ISL2: variants seen among roughly 807,000 people sequenced by gnomAD.
ISL2 encodes ISL LIM homeobox 2.
In ISL2, 17 loss-of-function variants were observed where a neutral mutation model predicts 34.6. That is an observed-to-expected ratio of 0.49 (90% confidence interval 0.34 to 0.74). ISL2 has a LOEUF of 0.74. Among genes scored for constraint, ISL2 ranks in the 30% least tolerant of loss-of-function variants. ISL2 has a pLI of 0.01. For missense variants in ISL2, 469 were observed against 515.2 expected, an observed-to-expected ratio of 0.91 and a Z score of 0.87; for synonymous variants, 232 against 225.5, an observed-to-expected ratio of 1.03 and a Z score of -0.26.
intron 4 of ISL2, 151 bp downstream of exon 4, chr15:76,340,710 C>T: frequency 1.4e-6 from 1 of 718,428 alleles, no homozygotes; most frequent in Admixed American, 3.0e-5. Flanking sequence ...AGCAAGGCTT[C>T]CCTTGGATTT....
chr15:76,336,791 A>G lies in ISL2; in HGVS notation c.-93A>G. ...AATCGCTCCTTCAACTCCGCGGGGC[A>G]GTAGGAGTTAGTTAGCAAAGAGCCG... is the stretch of plus-strand genomic sequence containing the variant. On this transcript the variant is annotated 5_prime_UTR_variant, in exon 1 of 6. Transcript: ENST00000290759. 3 of 1,074,166 alleles carry G rather than the reference A, an allele frequency of 2.8e-6. No individual in the cohort carries two copies. Among genetic ancestry groups the G allele is most frequent in the Admixed American group, 1.7e-5 (1 of 59,130 alleles). The allele number at this position is 1,074,166 out of a possible 1,614,324, so 66.5% of individuals were successfully genotyped here. A position where few individuals can be genotyped will look rare whatever the true frequency, so the allele number is the denominator to read the frequency against.
Position 76,337,823 on chromosome 15 carries a change from A to C in ISL2, c.104A>C (p.His35Pro). The change falls in exon 2 of 6, where the codon CAC (histidine) becomes CCC (proline). Residue 35 changes from histidine (H) to proline (P), a missense_variant. By Grantham distance (77) the His-to-Pro change is moderately conservative. Transcript: ENST00000290759. Reference sequence around the variant, plus strand: ...TGCGTGGGCTGCGGGAGTCAGATCCACGACCAGTTTATCCTGCGGGTGTCG... The same window carrying C: ...TGCGTGGGCTGCGGGAGTCAGATCCCCGACCAGTTTATCCTGCGGGTGTCG... ...AMCVGCGSQIHDQFILRVSPD... is the reference protein window; with the variant it reads ...AMCVGCGSQIPDQFILRVSPD... 6.2e-7 allele frequency: 1 copy of C among 1,611,260 alleles called. No individual in the cohort carries two copies. The highest frequency in any genetic ancestry group is 8.5e-7 in the Non-Finnish European group (1 of 1,178,838).
At chr15:76,338,144 C>A in intron 2 of ISL2, 108 bp from the exon 3 acceptor site, 1 of 1,429,624 alleles carries the variant, frequency 7.0e-7, no homozygotes, top group South Asian at 1.4e-5. Context: ...TCACCGCAGT[C>A]TCCTGGTGGC....
rs746975606 is a variant in ISL2, at chr15:76,341,845, C to T, written c.*10C>T. 1.9e-6 allele frequency: 3 copies of T among 1,588,614 alleles called. No homozygotes were observed. Among genetic ancestry groups the T allele is most frequent in the South Asian group, 2.2e-5 (2 of 90,558 alleles). The stretch of plus-strand genomic sequence containing the variant: ...TCCCGTGGAGACGTGAGGGGGACCC[C>T]TCCCTGCCAGCCCGCGGACCTCGCA... On this transcript the variant is annotated 3_prime_UTR_variant, in exon 6 of 6. Transcript: ENST00000290759.
chr15:76,340,691 T>C (rs900621060), intron 4 of ISL2, 132 bp downstream of exon 4: 10 of 762,898 alleles, frequency 1.3e-5, no homozygotes, highest in Admixed American at 8.6e-5. Context: ...TGTATGTCTG[T>C]ACCTTCACAG....
At chr15:76,339,478 T>A (rs981374997) in intron 3 of ISL2, 2 of 985,522 alleles carry the variant, frequency 2.0e-6, no homozygotes, top group African/African-American at 3.5e-5. Context: ...CACCCCCATC[T>A]GGGATCTCGG....
chr15:76,341,975 A>T lies in ISL2; in HGVS notation c.*140A>T. On this transcript the variant is annotated 3_prime_UTR_variant, in exon 6 of 6. Coordinates refer to ENST00000290759, the MANE Select transcript of ISL2 (RefSeq NM_145805.3). ...TATTTATGAGAGAGTACCGAGAGAC[A>T]CGGTCTGGACAGCCCAAGGCGCCAG... is the stretch of plus-strand genomic sequence containing the variant. 1.5e-6 allele frequency: 1 copy of T among 654,048 alleles called. No individual in the cohort carries two copies. The highest frequency in any genetic ancestry group is 1.8e-5 in the South Asian group (1 of 55,624). 40.5% of individuals were successfully genotyped at this position (654,048 alleles called of 1,614,324 possible).
Position 76,341,178 on chromosome 15 carries a change from C to T in ISL2, c.840C>T (p.Pro280=), listed in dbSNP as rs1221436033. 2 of 1,612,502 alleles carry T rather than the reference C, an allele frequency of 1.2e-6. No homozygotes were observed. Among genetic ancestry groups the T allele is most frequent in the East Asian group, 2.2e-5 (1 of 44,878 alleles). ...GGACGCCCCTGGTGGCGGGCAGTCC[C>T]ATCCGCCATGAGAACGCCGTGCAGG... The part of the protein sequence containing the change: ...LTGTPLVAGS[P]IRHENAVQGS... The change falls in exon 5 of 6, where the codon CCC becomes CCT. Residue 280 remains proline (P), a synonymous_variant. Transcript: ENST00000290759.
chr15:76,338,594 C>T, intron 3 of ISL2, 80 bp downstream of exon 3: 2 of 1,257,852 alleles, frequency 1.6e-6, no homozygotes, highest in Non-Finnish European at 2.0e-6. Context: ...GTGTCCCTAA[C>T]GAGAAGTTGT....
chr15:76,341,818 A>C lies in ISL2; in HGVS notation c.1063A>C (p.Ser355Arg), dbSNP rs754717167. The change falls in exon 6 of 6, where the codon AGT (serine) becomes CGT (arginine). Residue 355 changes from serine to arginine, a missense_variant. This residue lies in a region of ISL2 where 169 missense variants were observed against 154.2 expected (regional missense o/e 1.10). Transcript: ENST00000290759. The stretch of plus-strand genomic sequence containing the variant: ...GGACACCCCCAACAGTATGGTGCCG[A>C]GTCCCGTGGAGACGTGAGGGGGACC... ...LPDTPNSMVPSPVET is the reference protein window; with the variant it reads ...LPDTPNSMVPRPVET The C allele has an allele frequency of 6.2e-7, 1 of 1,613,078 alleles. No individual in the cohort carries two copies. The highest frequency in any genetic ancestry group is 1.1e-5 in the South Asian group (1 of 91,070).
At position 76,339,738 on chromosome 15, in the gene ISL2, C is replaced by T. The variant is rs1596240341; in HGVS notation, c.512-538C>T. ...GGCCCGTCCATAACCGTGGATGAGT[C>T]TTCTACACATGTGGCCTGGCCCTGT... On this transcript the variant is annotated intron_variant, in intron 3 of 5. Coordinates refer to ENST00000290759, the MANE Select transcript of ISL2 (RefSeq NM_145805.3). 4 of 988,508 alleles carry T rather than the reference C, an allele frequency of 4.0e-6. No homozygotes were observed. In the East Asian group the frequency reaches 4.5e-4, roughly 112 times the overall value. The allele number at this position is 988,508 out of a possible 1,614,324, so 61.2% of individuals were successfully genotyped here. A position where few individuals can be genotyped will look rare whatever the true frequency, so the allele number is the denominator to read the frequency against.
intron 3 of ISL2, 24 bp downstream of exon 3, chr15:76,338,538 G>A: frequency 7.7e-7 from 1 of 1,294,458 alleles, no homozygotes; most frequent in Non-Finnish European, 9.8e-7. Flanking sequence ...GGCCTGTGCC[G>A]GGGTGAGCGG....
rs1396237725 is a variant in ISL2 at position 76,341,878 on chromosome 15, T to G, written c.*43T>G. The G allele has an allele frequency of 3.3e-6, 4 of 1,224,072 alleles. No individual in the cohort carries two copies. Among genetic ancestry groups the G allele is most frequent in the Non-Finnish European group, 4.8e-6 (4 of 826,848 alleles). 75.8% of individuals were successfully genotyped at this position (1,224,072 alleles called of 1,614,324 possible). The stretch of plus-strand genomic sequence containing the variant: ...CAGCCCGCGGACCTCGCATGCTCCC[T>G]GCATGAGACTCACCCATGCTCAGGC... On this transcript the variant is annotated 3_prime_UTR_variant, in exon 6 of 6. Transcript: ENST00000290759.
In ISL2 at chr15:76,338,376, C is replaced by A; in HGVS notation, c.373C>A (p.Leu125Met). The A allele has an allele frequency of 1.3e-6, 2 of 1,550,130 alleles. No homozygotes were observed. Among genetic ancestry groups the A allele is most frequent in the Non-Finnish European group, 1.7e-6 (2 of 1,156,662 alleles). Reference sequence around the variant, plus strand: ...CTGCTCCGTGTGCAGCCGCCAGCTGCTGCCTGGGGACGAGTTCTCGCTGCG... The same window carrying A: ...CTGCTCCGTGTGCAGCCGCCAGCTGATGCCTGGGGACGAGTTCTCGCTGCG... ...FRCSVCSRQL[L>M]PGDEFSLREH... The change falls in exon 3 of 6, where the codon CTG becomes ATG. Residue 125 changes from leucine (L) to methionine (M), a missense_variant. Transcript: ENST00000290759.
Position 76,342,085 on chromosome 15 carries a change from T to G in ISL2, c.*250T>G, listed in dbSNP as rs2040198892. 2.3e-6 allele frequency: 1 copy of G among 427,178 alleles called. No individual in the cohort carries two copies. 26.5% of individuals were successfully genotyped at this position (427,178 alleles called of 1,614,324 possible). A position where few individuals can be genotyped will look rare whatever the true frequency, so the allele number is the denominator to read the frequency against. On this transcript the variant is annotated 3_prime_UTR_variant, in exon 6 of 6. Transcript: ENST00000290759. ...AACCAGAATCTGGGACTTACCAGGG[T>G]TAGCTCTGCCCTCTCCTCTCCTCTC...
At chr15:76,338,908 A>T (rs1234033569) in intron 3 of ISL2, 1 of 985,282 alleles carries the variant, frequency 1.0e-6, no homozygotes, top group Non-Finnish European at 1.2e-6. Flanking sequence ...GCCCAGGGGT[A>T]TGTGTGTAAG....
rs748288543 is a variant in ISL2 at position 76,340,531 on chromosome 15, T to TGCA, written c.780_782dup (p.Gln260dup). ...AAGAAATCCATTCTCATGAAGCAGC[T>TGCA]GCAGCAGCAGCAGCACAGCGACAAG... is the stretch of plus-strand genomic sequence containing the variant. On this transcript the variant is annotated inframe_insertion, in exon 4 of 6. Transcript: ENST00000290759. 84 of 1,603,970 alleles carry TGCA rather than the reference T, an allele frequency of 5.2e-5. No homozygotes were observed. The highest frequency in any genetic ancestry group is 1.3e-4 in the African/African-American group (10 of 74,688).
At chr15:76,339,440 T>A in intron 3 of ISL2, 4 of 985,402 alleles carry the variant, frequency 4.1e-6, no homozygotes, top group Non-Finnish European at 4.8e-6. Context: ...AATGGAGATG[T>A]GAAATGGGAG....
Position 76,341,470 on chromosome 15 carries a change from A to G in ISL2, c.963+169A>G, listed in dbSNP as rs866883576. 4.6e-5 allele frequency among the ~76,000 whole-genome samples: 7 copies of G among 152,148 alleles called. No homozygotes were observed. In the South Asian group the frequency reaches 1.2e-3, roughly 27 times the overall value. ...GGGCTCTGAAACCTCACCTCGGCCCATTACGCGCCCTAAACCAGGTCTCCC... is the reference window on the plus strand; with the variant it reads ...GGGCTCTGAAACCTCACCTCGGCCCGTTACGCGCCCTAAACCAGGTCTCCC... On this transcript the variant is annotated intron_variant, in intron 5 of 5. Transcript: ENST00000290759.
Sources: gnomAD v4.1 joint callset for allele counts (sites outside exome capture counted in the v4.1 genomes callset) on GRCh38, gnomAD v4.1.1 for gene constraint, gnomAD v4.1.1 regional missense constraint, MANE v1.5 for transcripts, NCBI Gene and HGNC (gene_info 2026-07-23, HGNC 2026-07-21) for gene names.